The following MAX variants were observed in gnomAD, a reference collection of about 807,000 sequenced individuals.
MAX encodes the protein MYC associated transcriptional regulator X, also known as protein max.
MAX carries 3 observed loss-of-function variants against 22.3 expected under a neutral mutation model. The observed-to-expected ratio is 0.13, with a 90% CI of 0.06 to 0.35. The LOEUF is 0.35. Ranked by LOEUF, MAX falls within the 10% of genes least tolerant of loss-of-function variation. MAX has a pLI of 1.00. For synonymous variants in MAX, 72 were observed against 77.7 expected, an observed-to-expected ratio of 0.93 and a Z score of 0.39; for missense variants, 119 against 209.4, an observed-to-expected ratio of 0.57 and a Z score of 2.66.
chr14:65,051,261 C>G (rs902005564), intron 3 of MAX, among the ~76,000 whole-genome samples: 5 of 152,206 alleles, frequency 3.3e-5, no homozygotes, highest in African/African-American at 1.2e-4. Flanking sequence ...AAACCCTTTT[C>G]CTCTGTGTCT....
chr14:65,048,240 C>G (rs1232711078), intron 3 of MAX, among the ~76,000 whole-genome samples: 7 of 151,586 alleles, frequency 4.6e-5, no homozygotes, highest in Non-Finnish European at 8.8e-5. Flanking sequence ...TCCTTGGCCA[C>G]ACAAAGTGCT....
At chr14:65,040,259 G>GTATATATATGTGTGTATA (rs2062315522) in intron 3 of MAX, among the ~76,000 whole-genome samples, 4 of 144,986 alleles carry the variant, frequency 2.8e-5, no homozygotes, top group African/African-American at 1.0e-4. Context: ...ATATATATAT[G>GTATATATATGTGTGTATA]TATATATATG....
At chr14:65,042,368 G>A (rs985398732) in intron 3 of MAX, among the ~76,000 whole-genome samples, 17 of 152,226 alleles carry the variant, frequency 1.1e-4, no homozygotes, top group African/African-American at 3.9e-4. Context: ...ATTTGGGGGT[G>A]ATGGGAGACA....
In MAX at chr14:65,013,405, C is replaced by T. The variant is rs116578422; in HGVS notation, c.172-7121G>A. 3.4e-3 allele frequency among the ~76,000 whole-genome samples: 523 copies of T among 152,106 alleles called. 3 individuals carry two copies. The highest frequency in any genetic ancestry group is 0.012 in the African/African-American group (508 of 41,454). The stretch of plus-strand genomic sequence containing the variant: ...TCCTGACAAATGTTGCAGCTACTAC[C>T]AGTTAAACAATACACATCCATGGGC... On this transcript the variant is annotated intron_variant, in intron 3 of 3. Coordinates refer to the MAX transcript ENST00000341653.
rs1483809286 is a variant in MAX, at chr14:65,054,196, T to G, written c.171+39512A>C. On this transcript the variant is annotated intron_variant, in intron 3 of 3. Transcript: ENST00000341653. This position sits in a 1 kb window ranked among gnomAD's most constrained non-coding sequence, Gnocchi z 4.4. The stretch of plus-strand genomic sequence containing the variant: ...GTCACAATCATGACTCACTGCAGCC[T>G]TCACCTCTTGGGCTCGAGTGATCCT... Among the ~76,000 whole-genome samples, 2 of 152,114 alleles carry G rather than the reference T, an allele frequency of 1.3e-5. No individual in the cohort carries two copies. Among genetic ancestry groups the G allele is most frequent in the Non-Finnish European group, 2.9e-5 (2 of 68,038 alleles).
intron 3 of MAX, among the ~76,000 whole-genome samples, chr14:65,017,399 T>G (rs1457143877): frequency 2.0e-5 from 3 of 152,074 alleles, no homozygotes; most frequent in African/African-American, 7.2e-5. Flanking sequence ...ATCTGAACGC[T>G]GGATGGAGGA....
chr14:65,098,121 A>G (rs1482798862), intron 2 of MAX, among the ~76,000 whole-genome samples: 3 of 152,198 alleles, frequency 2.0e-5, no homozygotes, highest in African/African-American at 7.2e-5. Context: ...GGCATCTTGG[A>G]AAAATTCTTT....
At chr14:65,013,479 C>T (rs8012652) in intron 3 of MAX, among the ~76,000 whole-genome samples, 27,640 of 152,106 alleles carry the variant, frequency 0.18, 4,056 homozygotes, top group African/African-American at 0.39. Flanking sequence ...CTCAAGTCCT[C>T]AATAGTTATG....
intron 3 of MAX, among the ~76,000 whole-genome samples, chr14:65,008,738 G>A (rs2061636090): frequency 2.0e-5 from 3 of 152,232 alleles, no homozygotes; most frequent in Admixed American, 1.3e-4. Context: ...GCTCAGGGGC[G>A]GAGATGAGGT....
At chr14:65,066,877 A>C (rs898653198) in intron 3 of MAX, among the ~76,000 whole-genome samples, 1 of 146,604 alleles carries the variant, frequency 6.8e-6, no homozygotes, top group Non-Finnish European at 1.5e-5. Flanking sequence ...AAAAAAAAAA[A>C]AACAATGTAT....
At position 65,076,906 on chromosome 14, in the gene MAX, A is replaced by G; in HGVS notation, c.296-243T>C. 1 of 609,682 alleles carries G rather than the reference A, an allele frequency of 1.6e-6. No individual in the cohort carries two copies. The highest frequency in any genetic ancestry group is 1.8e-5 in the African/African-American group (1 of 54,840). 37.8% of individuals were successfully genotyped at this position (609,682 alleles called of 1,614,324 possible). A position where few individuals can be genotyped will look rare whatever the true frequency, so the allele number is the denominator to read the frequency against. On this transcript the variant is annotated intron_variant, in intron 4 of 4. Transcript: ENST00000358664. This position sits in a 1 kb window ranked among gnomAD's most constrained non-coding sequence, Gnocchi z 6.6. ...GCAATCCCACCCAACTCTGAAGAGA[A>G]GGCTTGTGATGTCACCGTCCTGCCG... is the stretch of plus-strand genomic sequence containing the variant.
In MAX at chr14:65,044,823, C is replaced by A; in HGVS notation, c.172-38539G>T. ...GAGCTGAAAACCCTCAGTGTTGCAA[C>A]AGTCACTGTTGCAACAGCAACAGGA... is the stretch of plus-strand genomic sequence containing the variant. On this transcript the variant is annotated intron_variant, in intron 3 of 3. Coordinates refer to the MAX transcript ENST00000341653. This position sits in a 1 kb window ranked among gnomAD's most constrained non-coding sequence, Gnocchi z 5.5. 5.4e-6 allele frequency: 1 copy of A among 184,136 alleles called. No individual in the cohort carries two copies. The highest frequency in any genetic ancestry group is 1.1e-5 in the Non-Finnish European group (1 of 89,322). The allele number at this position is 184,136 out of a possible 1,614,324, so 11.4% of individuals were successfully genotyped here.
intron 3 of MAX, among the ~76,000 whole-genome samples, chr14:65,057,083 C>A (rs1360837080): frequency 6.6e-6 from 1 of 152,186 alleles, no homozygotes; most frequent in Non-Finnish European, 1.5e-5. Flanking sequence ...AGTGAGAGCT[C>A]ACGCACTACT....
rs151315771 is a variant in MAX at position 65,009,531 on chromosome 14, C to T, written c.172-3247G>A. ...TCAGAGACCTATATTTCGCTAGCTT[C>T]GTACCCATCATTTCTCGCTCAAAGA... On this transcript the variant is annotated intron_variant, in intron 3 of 3. Coordinates refer to the MAX transcript ENST00000341653. The surrounding 1 kb of genome is among the most constrained non-coding windows in gnomAD (Gnocchi z 4.2). 1.9e-3 allele frequency among the ~76,000 whole-genome samples: 283 copies of T among 152,210 alleles called. No individual in the cohort carries two copies. Among genetic ancestry groups the T allele is most frequent in the Middle Eastern group, 0.01 (3 of 294 alleles).
chr14:65,102,678 C>G (rs1355795178), upstream of MAX: 3 of 784,894 alleles, frequency 3.8e-6, no homozygotes, highest in African/African-American at 3.8e-5. Context: ...CGCATCCAGG[C>G]GACGCCAGCC....
Position 65,027,794 on chromosome 14 carries a change from T to G in MAX, c.172-21510A>C. On this transcript the variant is annotated intron_variant, in intron 3 of 3. Coordinates refer to the MAX transcript ENST00000341653. The surrounding 1 kb of genome is among the most constrained non-coding windows in gnomAD (Gnocchi z 5.7). ...AGGTGGATGTGAGGTGAGTGGGGTT[T>G]TGCACAGGCTGCCACATCAGTTGAC... The G allele has an allele frequency of 1.2e-6, 2 of 1,614,038 alleles. No individual in the cohort carries two copies. Among genetic ancestry groups the G allele is most frequent in the Non-Finnish European group, 1.7e-6 (2 of 1,180,014 alleles).
chr14:65,060,575 A>C lies in MAX; in HGVS notation c.171+33133T>G, dbSNP rs1435213814. Among the ~76,000 whole-genome samples the C allele has an allele frequency of 3.2e-5, 4 of 125,850 alleles. 1 individual carries two copies. Among genetic ancestry groups the C allele is most frequent in the African/African-American group, 9.1e-5 (2 of 22,098 alleles). The allele number at this position is 125,850 out of a possible 152,430, so 82.6% of individuals were successfully genotyped here. ...GCCGGGCGTAGTGGCGGGCGCCTGT[A>C]GTCCCAGCTACTTGGGAGGCTGAGG... On this transcript the variant is annotated intron_variant, in intron 3 of 3. Transcript: ENST00000341653.
At chr14:65,013,326 T>C (rs527793897) in intron 3 of MAX, among the ~76,000 whole-genome samples, 3 of 29,796 alleles carry the variant, frequency 1.0e-4, no homozygotes, top group African/African-American at 2.5e-4. Context: ...CTTTGTTTCC[T>C]TTTTTTTTTT....
intron 2 of MAX, 98 bp downstream of exon 2, chr14:65,101,448 A>G: frequency 8.9e-7 from 1 of 1,123,560 alleles, no homozygotes; most frequent in Non-Finnish European, 1.3e-6. Flanking sequence ...AGTTTACTAC[A>G]ATATTAAAAG....
Sources: allele counts gnomAD v4.1 joint callset (sites outside exome capture counted in the v4.1 genomes callset), GRCh38; gene constraint gnomAD v4.1.1; non-coding constraint Gnocchi (gnomAD v3.1); transcripts MANE v1.5; gene names NCBI Gene and HGNC (gene_info 2026-07-23, HGNC 2026-07-21).